The following AIG1 variants were observed in gnomAD, a reference collection of about 807,000 sequenced individuals.
AIG1 encodes androgen induced 1.
AIG1 carries 23 observed loss-of-function variants against 31.4 expected under a neutral mutation model. That is an observed-to-expected ratio of 0.73 (90% CI 0.53 to 1.04). AIG1 has a LOEUF of 1.04. Among genes scored for constraint, AIG1 ranks in the 50% least tolerant of loss-of-function variants. The pLI is 0.00. For synonymous variants in AIG1, 100 were observed against 110.5 expected (o/e 0.90, Z 0.60); for missense variants, 274 against 295.0 (o/e 0.93, Z 0.52).
chr6:143,137,011 A>G (rs750728074), intron 2 of AIG1, 21 bp downstream of exon 2: 1 of 1,348,244 alleles, frequency 7.4e-7, no homozygotes, highest in South Asian at 2.4e-5. Flanking sequence ...TGGAGGATGC[A>G]TTTAGCCACA....
At chr6:143,313,098 T>C in intron 4 of AIG1, among the ~76,000 whole-genome samples, 1 of 152,154 alleles carries the variant, frequency 6.6e-6, no homozygotes, top group African/African-American at 2.4e-5. Flanking sequence ...CCTTGTCCAC[T>C]GTTGGTCGGA....
At chr6:143,096,686 G>A (rs1481778459) in intron 1 of AIG1, among the ~76,000 whole-genome samples, 1 of 152,194 alleles carries the variant, frequency 6.6e-6, no homozygotes, top group Non-Finnish European at 1.5e-5. Flanking sequence ...GTATCAGAAT[G>A]TCATGCTGAT....
In AIG1 at chr6:143,326,200, A is replaced by G. The variant is rs138826536; in HGVS notation, c.516-7082A>G. ...TTCAAAGACTTTATATTTGCACACTAGGACGGAGTCTACAATTCTTACCAT... is the reference window on the plus strand; with the variant it reads ...TTCAAAGACTTTATATTTGCACACTGGGACGGAGTCTACAATTCTTACCAT... On this transcript the variant is annotated intron_variant, in intron 4 of 5. Coordinates refer to ENST00000357847, the MANE Select transcript of AIG1 (RefSeq NM_016108.4). The surrounding 1 kb of genome is among the most constrained non-coding windows in gnomAD (Gnocchi z 4.5). Among the ~76,000 whole-genome samples the G allele has an allele frequency of 1.1e-3, 162 of 152,334 alleles. No homozygotes were observed. The highest frequency in any genetic ancestry group is 3.7e-3 in the African/African-American group (152 of 41,578).
intron 4 of AIG1, among the ~76,000 whole-genome samples, chr6:143,296,391 G>C (rs1454382982): frequency 6.6e-6 from 1 of 152,132 alleles, no homozygotes; most frequent in Non-Finnish European, 1.5e-5. Context: ...ATTTCCCCGA[G>C]GGGTGCCTTC....
intron 2 of AIG1, among the ~76,000 whole-genome samples, chr6:143,162,541 C>A (rs752016518): frequency 5.3e-5 from 8 of 152,136 alleles, no homozygotes; most frequent in Non-Finnish European, 8.8e-5. Context: ...TGTACAATCC[C>A]CTTCTGTAGA....
At chr6:143,131,676 T>C (rs887100406) in intron 1 of AIG1, among the ~76,000 whole-genome samples, 3 of 152,212 alleles carry the variant, frequency 2.0e-5, no homozygotes, top group Non-Finnish European at 4.4e-5. Flanking sequence ...AGTCTCACAA[T>C]GTCAAGGGAC....
chr6:143,097,523 G>T (rs1463821966), intron 1 of AIG1, among the ~76,000 whole-genome samples: 3 of 152,130 alleles, frequency 2.0e-5, no homozygotes, highest in Admixed American at 1.3e-4. Flanking sequence ...GAAGCCTCCC[G>T]TGTGATCTTG....
At chr6:143,086,171 A>G (rs1331880494) in intron 1 of AIG1, among the ~76,000 whole-genome samples, 3 of 152,298 alleles carry the variant, frequency 2.0e-5, no homozygotes, top group African/African-American at 7.2e-5. Context: ...TTTGATAGGA[A>G]GGCTACGGGT....
chr6:143,065,111 G>A (rs552782385), intron 1 of AIG1, among the ~76,000 whole-genome samples: 103 of 152,176 alleles, frequency 6.8e-4, no homozygotes, highest in African/African-American at 2.4e-3. Flanking sequence ...AAGTCACAAC[G>A]GTGGAATGTT....
intron 4 of AIG1, among the ~76,000 whole-genome samples, chr6:143,321,158 A>C (rs1333734790): frequency 1.3e-5 from 2 of 152,062 alleles, no homozygotes; most frequent in Non-Finnish European, 2.9e-5. Context: ...ATCACCAAAA[A>C]ACAGAGAGGA....
At chr6:143,127,764 T>G (rs1422946619) in intron 1 of AIG1, among the ~76,000 whole-genome samples, 4 of 152,088 alleles carry the variant, frequency 2.6e-5, no homozygotes, top group African/African-American at 7.2e-5. Context: ...CTTGGCTCAC[T>G]ACAGCCTTCA....
At chr6:143,264,697 T>C (rs528057309) in intron 3 of AIG1, among the ~76,000 whole-genome samples, 2 of 152,350 alleles carry the variant, frequency 1.3e-5, no homozygotes, top group African/African-American at 4.8e-5. Flanking sequence ...TGCTAGGATT[T>C]ATGTGCCTTA....
At chr6:143,129,578 G>T (rs937621292) in intron 1 of AIG1, among the ~76,000 whole-genome samples, 2 of 152,172 alleles carry the variant, frequency 1.3e-5, no homozygotes, top group African/African-American at 2.4e-5. Flanking sequence ...ATAAATCTGA[G>T]AAAGTGTTGC....
In AIG1 at chr6:143,339,627, C is replaced by G; in HGVS notation, c.680-12C>G. Reference sequence around the variant, plus strand: ...CTGATGCTCAAATAAAACACTTTGCCTGTATTTCTAGGTATGGAAGAAGAG... The same window carrying G: ...CTGATGCTCAAATAAAACACTTTGCGTGTATTTCTAGGTATGGAAGAAGAG... On this transcript the variant is annotated splice_polypyrimidine_tract_variant and intron_variant, in intron 5 of 5. Transcript: ENST00000357847. 6.2e-7 allele frequency: 1 copy of G among 1,612,178 alleles called. No individual in the cohort carries two copies. The highest frequency in any genetic ancestry group is 8.5e-7 in the Non-Finnish European group (1 of 1,179,166).
chr6:143,287,111 AC>A (rs1025623552), intron 4 of AIG1, among the ~76,000 whole-genome samples: 5 of 149,306 alleles, frequency 3.3e-5, no homozygotes, highest in African/African-American at 9.9e-5. Context: ...TTTCCTGGAC[AC>A]CCCCCTCCAT....
At chr6:143,228,556 A>C (rs542061750) in intron 3 of AIG1, among the ~76,000 whole-genome samples, 68 of 152,274 alleles carry the variant, frequency 4.5e-4, no homozygotes, top group Middle Eastern at 6.8e-3. Context: ...ACAGCCACAG[A>C]CCCACATAAG....
At chr6:143,223,797 A>G (rs921993659) in intron 3 of AIG1, among the ~76,000 whole-genome samples, 106 of 152,340 alleles carry the variant, frequency 7.0e-4, no homozygotes, top group African/African-American at 2.3e-3. Context: ...TGTTCTATCA[A>G]TGAGCCTTCT....
At chr6:143,337,887 A>T (rs1777628188) in intron 5 of AIG1, 1 of 398,400 alleles carries the variant, frequency 2.5e-6, no homozygotes, top group African/African-American at 2.1e-5. Context: ...GCTTTGCGAT[A>T]GGTTTCTTCC....
intron 1 of AIG1, among the ~76,000 whole-genome samples, chr6:143,130,381 C>T (rs1051641647): frequency 6.6e-6 from 1 of 151,952 alleles, no homozygotes; most frequent in Non-Finnish European, 1.5e-5. Flanking sequence ...AAAAGTGTTC[C>T]CTACTGTATG....
Sources: gnomAD v4.1 joint callset for allele counts (sites outside exome capture counted in the v4.1 genomes callset) on GRCh38, gnomAD v4.1.1 for gene constraint, Gnocchi (gnomAD v3.1) non-coding constraint, MANE v1.5 for transcripts, NCBI Gene and HGNC (gene_info 2026-07-23, HGNC 2026-07-21) for gene names.